The following ZFHX4 variants were observed in gnomAD, a reference collection of about 807,000 sequenced individuals.
ZFHX4 encodes the protein zinc finger homeobox 4.
A neutral mutation model predicts 267.6 loss-of-function variants in ZFHX4; 56 were observed. The observed-to-expected ratio is 0.21, with a 90% CI of 0.17 to 0.26. The LOEUF (loss-of-function observed/expected upper bound fraction) is 0.26. Ranked by LOEUF, ZFHX4 falls within the 10% of genes least tolerant of loss-of-function variation. The pLI is 1.00. For missense variants in ZFHX4, 4,332 were observed against 4,420.0 expected, an observed-to-expected ratio of 0.98 and a Z score of 0.56; for synonymous variants, 1,778 against 1,665.6, an observed-to-expected ratio of 1.07 and a Z score of -1.64.
intron 3 of ZFHX4, among the ~76,000 whole-genome samples, chr8:76,757,079 G>C (rs1443407725): frequency 2.0e-5 from 3 of 151,872 alleles, no homozygotes; most frequent in African/African-American, 7.3e-5. Context: ...TGTCAAGCAG[G>C]GGTTTCCAGG....
chr8:76,846,250 C>T (rs1423702219), intron 6 of ZFHX4, among the ~76,000 whole-genome samples: 1 of 152,018 alleles, frequency 6.6e-6, no homozygotes, highest in African/African-American at 2.4e-5. Context: ...CTTGCCTCAT[C>T]CTCCAGAGTC....
At chr8:76,773,449 T>C (rs937157130) in intron 3 of ZFHX4, among the ~76,000 whole-genome samples, 3 of 152,192 alleles carry the variant, frequency 2.0e-5, no homozygotes, top group African/African-American at 7.2e-5. Flanking sequence ...AGATATCATG[T>C]ATATATTTGT....
At chr8:76,735,082 G>C (rs988360013) in intron 3 of ZFHX4, among the ~76,000 whole-genome samples, 1 of 152,092 alleles carries the variant, frequency 6.6e-6, no homozygotes, top group Non-Finnish European at 1.5e-5. Context: ...TTCAGAAAAT[G>C]ATCTTATGAA....
At chr8:76,777,126 T>C (rs1810419285) in intron 3 of ZFHX4, among the ~76,000 whole-genome samples, 1 of 152,234 alleles carries the variant, frequency 6.6e-6, no homozygotes, top group Non-Finnish European at 1.5e-5. Context: ...ATAGTTTATA[T>C]TGAATCACAG....
At chr8:76,691,108 G>C (rs552062412) in intron 1 of ZFHX4, among the ~76,000 whole-genome samples, 1 of 152,038 alleles carries the variant, frequency 6.6e-6, no homozygotes, top group Non-Finnish European at 1.5e-5. Flanking sequence ...ATTTGAAAAA[G>C]GCTTGTTGAA....
At chr8:76,755,031 C>A (rs1809726153) in intron 3 of ZFHX4, among the ~76,000 whole-genome samples, 1 of 152,156 alleles carries the variant, frequency 6.6e-6, no homozygotes, top group Admixed American at 6.6e-5. Flanking sequence ...ACATCTGGGC[C>A]ACCCTGTGGG....
At chr8:76,842,920 A>C in intron 6 of ZFHX4, 149 bp downstream of exon 6, 1 of 504,814 alleles carries the variant, frequency 2.0e-6, no homozygotes, top group Non-Finnish European at 3.5e-6. Context: ...TATTCATTGC[A>C]TGTGCATTTT....
In ZFHX4 at chr8:76,761,891, GA is replaced by G. The variant is rs1354672331; in HGVS notation, c.3094-16315del. On this transcript the variant is annotated intron_variant, in intron 3 of 10. Transcript: ENST00000651372. ...AGCATGTTACAATAGGATCACTTGAGAATACTTGCATTGGGTTGTCTTGTTT... is the reference window on the plus strand; with the variant it reads ...AGCATGTTACAATAGGATCACTTGAGATACTTGCATTGGGTTGTCTTGTTT... Among the ~76,000 whole-genome samples the G allele has an allele frequency of 2.6e-5, 4 of 152,146 alleles. No individual in the cohort carries two copies. The East Asian group carries it at 7.7e-4, about 29-fold the overall frequency.
chr8:76,846,198 A>G lies in ZFHX4; in HGVS notation c.3512-2797A>G, dbSNP rs117297309. On this transcript the variant is annotated intron_variant, in intron 6 of 10. Transcript: ENST00000651372. ...CTTTGAGTAAGAAAGGCATACACGC[A>G]TAGAATGTAACATCCTTCATCTTTA... 9.8e-4 allele frequency among the ~76,000 whole-genome samples: 149 copies of G among 152,182 alleles called. 1 individual carries two copies. The East Asian group carries it at 0.025, about 25-fold the overall frequency.
chr8:76,697,473 T>G (rs971296836), intron 1 of ZFHX4, among the ~76,000 whole-genome samples: 8 of 152,014 alleles, frequency 5.3e-5, no homozygotes, highest in Non-Finnish European at 1.2e-4. Flanking sequence ...CCAGAGAGAT[T>G]AGTCAGTTAC....
intron 4 of ZFHX4, 67 bp from the exon 5 acceptor site, chr8:76,833,256 TTTTGGGTTCTTGTAA>T: frequency 8.5e-7 from 1 of 1,175,502 alleles, no homozygotes; most frequent in Non-Finnish European, 1.2e-6. Flanking sequence ...GACTGCCAAA[TTTTGGGTTCTTGTAA>T]TATTAGCCAT....
chr8:76,689,048 A>G (rs1382545044), intron 1 of ZFHX4, among the ~76,000 whole-genome samples: 1 of 151,962 alleles, frequency 6.6e-6, no homozygotes, highest in Non-Finnish European at 1.5e-5. Flanking sequence ...AGTCCCCCAA[A>G]TTTTTTACTG....
At chr8:76,711,578 A>T (rs1268554997) in intron 3 of ZFHX4, among the ~76,000 whole-genome samples, 1 of 152,186 alleles carries the variant, frequency 6.6e-6, no homozygotes, top group Non-Finnish European at 1.5e-5. Context: ...TACAAATTTT[A>T]GTCAGTTGAT....
At chr8:76,708,189 A>G (rs775110675) in intron 3 of ZFHX4, 141 bp downstream of exon 3, 2 of 1,039,116 alleles carry the variant, frequency 1.9e-6, no homozygotes, top group African/African-American at 1.6e-5. Flanking sequence ...TCTGATTAAC[A>G]TTATAAAAAC....
At chr8:76,783,644 A>G (rs1370684941) in intron 4 of ZFHX4, among the ~76,000 whole-genome samples, 1 of 152,016 alleles carries the variant, frequency 6.6e-6, no homozygotes, top group Non-Finnish European at 1.5e-5. Context: ...TAATGGTAAA[A>G]CTGACATATT....
At chr8:76,724,918 G>A (rs1168238413) in intron 3 of ZFHX4, among the ~76,000 whole-genome samples, 1 of 152,006 alleles carries the variant, frequency 6.6e-6, no homozygotes, top group African/African-American at 2.4e-5. Context: ...GGCAGATTCT[G>A]AGGTTTGTTT....
intron 6 of ZFHX4, 50 bp downstream of exon 6, chr8:76,842,821 G>A: frequency 1.5e-6 from 2 of 1,314,686 alleles, no homozygotes; most frequent in Non-Finnish European, 2.1e-6. Flanking sequence ...CCCATTCCCT[G>A]CCATCAACTC....
rs35873786 is a variant in ZFHX4, at chr8:76,839,053, A to AAGAGAGAGAG, written c.3395-3564_3395-3555dup. Among the ~76,000 whole-genome samples the AAGAGAGAGAG allele has an allele frequency of 4.1e-3, 441 of 107,442 alleles. 13 individuals are homozygous for AAGAGAGAGAG. The highest frequency in any genetic ancestry group is 6.0e-3 in the Non-Finnish European group (317 of 53,188). 70.5% of individuals were successfully genotyped at this position (107,442 alleles called of 152,430 possible). On this transcript the variant is annotated intron_variant, in intron 5 of 10. Transcript: ENST00000651372. ...AGCAACAGAGTGGGACTCTGTCTGA[A>AAGAGAGAGAG]AGAGAGAGAGAGAGAGAGAGAGAGA...
intron 3 of ZFHX4, among the ~76,000 whole-genome samples, chr8:76,734,765 T>C (rs1268324306): frequency 6.6e-6 from 1 of 152,186 alleles, no homozygotes; most frequent in Non-Finnish European, 1.5e-5. Flanking sequence ...GTAGTAAAGA[T>C]GGCATCGTAC....
Sources: gnomAD v4.1 joint callset for allele counts (sites outside exome capture counted in the v4.1 genomes callset) on GRCh38, gnomAD v4.1.1 for gene constraint, MANE v1.5 for transcripts, NCBI Gene and HGNC (gene_info 2026-07-23, HGNC 2026-07-21) for gene names.